The following DNAH12 variants were observed in gnomAD, a reference collection of about 807,000 sequenced individuals.
DNAH12 encodes axonemal beta dynein heavy chain 12.
Under a neutral mutation model 371.5 loss-of-function variants are expected in DNAH12, and 285 were observed. That is an observed-to-expected ratio of 0.77 (90% CI 0.70 to 0.85). The LOEUF is 0.85. Among genes scored for constraint, DNAH12 ranks in the 40% least tolerant of loss-of-function variants. The probability of loss-of-function intolerance (pLI) is 0.00; values close to 1 mark genes in which losing one functional copy is unlikely to be tolerated. For missense variants in DNAH12, 3,611 were observed against 3,689.4 expected (o/e 0.98, Z 0.55); for synonymous variants, 1,200 against 1,213.0 (o/e 0.99, Z 0.22).
chr3:57,390,450 T>TATATATATATATATATATAC (rs1559608977), intron 45 of DNAH12, among the ~76,000 whole-genome samples: 1 of 46,500 alleles, frequency 2.2e-5, no homozygotes, highest in Non-Finnish European at 6.3e-5. Context: ...TATATATATA[T>TATATATATATATATATATAC]ACTTAGACCA....
chr3:57,309,323 TA>T, intron 68 of DNAH12, 69 bp from the exon 69 acceptor site: 5 of 1,250,278 alleles, frequency 4.0e-6, no homozygotes, highest in South Asian at 1.4e-5. Context: ...TCAGCCATTA[TA>T]TAATAATAGC....
At chr3:57,488,660 A>G (rs1360370929) in intron 12 of DNAH12, among the ~76,000 whole-genome samples, 1 of 152,200 alleles carries the variant, frequency 6.6e-6, no homozygotes, top group Non-Finnish European at 1.5e-5. Context: ...AAATAAACAT[A>G]ATAGTTAACA....
intron 41 of DNAH12, 40 bp from the exon 42 acceptor site, chr3:57,405,187 T>C: frequency 6.9e-7 from 1 of 1,456,212 alleles, no homozygotes; most frequent in Non-Finnish European, 9.0e-7. Context: ...ACTTAAAACA[T>C]TTAAAAATAA....
intron 2 of DNAH12, among the ~76,000 whole-genome samples, chr3:57,531,366 G>A (rs928437537): frequency 6.6e-6 from 1 of 152,126 alleles, no homozygotes; most frequent in Non-Finnish European, 1.5e-5. Flanking sequence ...TTCCACTGAA[G>A]TCTGCTGCCA....
At chr3:57,432,595 CATAA>C (rs1322391764) in intron 32 of DNAH12, among the ~76,000 whole-genome samples, 1 of 151,962 alleles carries the variant, frequency 6.6e-6, no homozygotes, top group African/African-American at 2.4e-5. Flanking sequence ...CTAATATAGA[CATAA>C]ATAAGTTAAC....
intron 13 of DNAH12, among the ~76,000 whole-genome samples, chr3:57,478,431 A>C (rs560175436): frequency 7.9e-5 from 12 of 152,326 alleles, no homozygotes; most frequent in Admixed American, 6.5e-4. Flanking sequence ...ATGTGAAAAG[A>C]CCATATCTAC....
At chr3:57,476,935 C>A (rs2066548449) in intron 13 of DNAH12, among the ~76,000 whole-genome samples, 1 of 151,944 alleles carries the variant, frequency 6.6e-6, no homozygotes, top group South Asian at 2.1e-4. Context: ...AAATTCAAAG[C>A]TAAGGGGGTG....
Position 57,421,574 on chromosome 3 carries a change from C to T in DNAH12, c.5506G>A (p.Gly1836Ser). ...TCATCAAATGGGCATTCCCATTTACCCACAGAATCTGGCACTGGGTTTTCA... is the reference window on the plus strand; with the variant it reads ...TCATCAAATGGGCATTCCCATTTACTCACAGAATCTGGCACTGGGTTTTCA... Reference protein sequence around the residue: ...DDENPVPDSVGKWECPFDEKG... With the variant: ...DDENPVPDSVSKWECPFDEKG... Residue 1836 changes from glycine (G) to serine (S), a missense_variant, in exon 36 of 74, where the codon GGT becomes AGT. By Grantham distance (56) the Gly-to-Ser change is moderately conservative. This residue lies in a region of DNAH12 where 2,266 missense variants were observed against 2,236.9 expected (regional missense o/e 1.01). Transcript: ENST00000495027. 1 of 1,551,588 alleles carries T rather than the reference C, an allele frequency of 6.4e-7. No homozygotes were observed. The highest frequency in any genetic ancestry group is 1.4e-5 in the African/African-American group (1 of 73,146).
chr3:57,348,814 G>A (rs1000333550), intron 60 of DNAH12, among the ~76,000 whole-genome samples: 1 of 152,156 alleles, frequency 6.6e-6, no homozygotes, highest in African/African-American at 2.4e-5. Flanking sequence ...CAGTTCCAAT[G>A]CACTCCTCAT....
At chr3:57,427,674 A>G (rs763789077) in intron 34 of DNAH12, among the ~76,000 whole-genome samples, 2 of 150,742 alleles carry the variant, frequency 1.3e-5, no homozygotes, top group Non-Finnish European at 2.9e-5. Flanking sequence ...TGGGTGACAG[A>G]GCAAGACAGA....
At chr3:57,322,215 T>C in intron 65 of DNAH12, 128 bp downstream of exon 65, 1 of 1,061,248 alleles carries the variant, frequency 9.4e-7, no homozygotes, top group Non-Finnish European at 1.3e-6. Flanking sequence ...TTTGTCTTGT[T>C]AGGAAATGCG....
chr3:57,349,541 T>C (rs1367649129), intron 60 of DNAH12, among the ~76,000 whole-genome samples: 1 of 152,176 alleles, frequency 6.6e-6, no homozygotes, highest in Non-Finnish European at 1.5e-5. Flanking sequence ...CAATTTGCAA[T>C]TGCAAAAATA....
rs913584250 is a variant in DNAH12 at position 57,357,186 on chromosome 3, T to G, written c.9523A>C (p.Ile3175Leu). 9.2e-5 allele frequency: 14 copies of G among 152,242 alleles called. No homozygotes were observed. The highest frequency in any genetic ancestry group is 3.4e-4 in the African/African-American group (14 of 41,536). The allele number at this position is 152,242 out of a possible 1,614,324, so 9.4% of individuals were successfully genotyped here. A position where few individuals can be genotyped will look rare whatever the true frequency, so the allele number is the denominator to read the frequency against. Residue 3175 changes from isoleucine (I) to leucine (L), a missense_variant, in exon 59 of 74, where the codon ATT becomes CTT. Physicochemically the swap from Ile to Leu is conservative, Grantham distance 5. Transcript: ENST00000495027. Reference protein sequence around the residue: ...TWFVNLYINSIHDSNKSKILE... With the variant: ...TWFVNLYINSLHDSNKSKILE... The stretch of plus-strand genomic sequence containing the variant: ...CGAGAGAATGTTTACCTGTCATGAA[T>G]AGAGTTGATATAAAGGTTCACAAAC...
At chr3:57,469,888 CA>C (rs1209689099) in intron 16 of DNAH12, among the ~76,000 whole-genome samples, 4 of 152,062 alleles carry the variant, frequency 2.6e-5, no homozygotes, top group Non-Finnish European at 5.9e-5. Context: ...GTGCTGTGCT[CA>C]CTACCTGGGA....
At chr3:57,418,427 C>T (rs1575574908) in intron 37 of DNAH12, among the ~76,000 whole-genome samples, 3 of 144,434 alleles carry the variant, frequency 2.1e-5, no homozygotes, top group Non-Finnish European at 4.5e-5. Flanking sequence ...GTAGTCCCAG[C>T]TACTTGAGAG....
At chr3:57,461,037 T>C (rs2066040299) in intron 19 of DNAH12, among the ~76,000 whole-genome samples, 1 of 152,216 alleles carries the variant, frequency 6.6e-6, no homozygotes, top group Admixed American at 6.5e-5. Flanking sequence ...TATGAAATAA[T>C]CTTGGAGCCT....
At position 57,294,181 on chromosome 3, in the gene DNAH12, T is replaced by C. The variant is rs375215132; in HGVS notation, c.11693-210A>G. On this transcript the variant is annotated intron_variant, in intron 73 of 73. Transcript: ENST00000495027. Reference sequence around the variant, plus strand: ...GCAAGTATTTCTTTTCTTTTCTTTTTTTTTTTTTTTTTGGAGACTGAGTCT... The same window carrying C: ...GCAAGTATTTCTTTTCTTTTCTTTTCTTTTTTTTTTTTGGAGACTGAGTCT... Among the ~76,000 whole-genome samples, 134 of 148,046 alleles carry C rather than the reference T, an allele frequency of 9.1e-4. 1 individual carries two copies. In the Middle Eastern group the frequency reaches 0.01, roughly 11 times the overall value.
At chr3:57,350,141 G>A (rs1304580258) in intron 60 of DNAH12, among the ~76,000 whole-genome samples, 5 of 152,130 alleles carry the variant, frequency 3.3e-5, no homozygotes, top group African/African-American at 1.2e-4. Context: ...GGGAGAAAGT[G>A]TGGGGGGTGG....
Position 57,322,427 on chromosome 3 carries a change from A to G in DNAH12, c.10440T>C (p.Gly3480=). The G allele has an allele frequency of 1.3e-6, 2 of 1,552,238 alleles. No homozygotes were observed. Among genetic ancestry groups the G allele is most frequent in the Non-Finnish European group, 8.7e-7 (1 of 1,147,104 alleles). ...GVKMTNEPPT[G]LRLNLLQSYL... ...ATGATTGAAGGAGATTCAGCCGAAG[A>G]CCCGTGGGAGGTTCATTAGTCATTT... The change falls in exon 65 of 74, where the codon GGT becomes GGC. Residue 3480 remains glycine (G), a synonymous_variant. Coordinates refer to ENST00000495027, the MANE Select transcript of DNAH12 (RefSeq NM_001366028.2).
Sources: gnomAD v4.1 joint callset for allele counts (sites outside exome capture counted in the v4.1 genomes callset) on GRCh38, gnomAD v4.1.1 for gene constraint, gnomAD v4.1.1 regional missense constraint, MANE v1.5 for transcripts, NCBI Gene and HGNC (gene_info 2026-07-23, HGNC 2026-07-21) for gene names.